The following SOX5 variants were observed in gnomAD, a reference collection of about 807,000 sequenced individuals.
SOX5 encodes SRY-box transcription factor 5, also known as transcription factor SOX-5.
SOX5 carries 9 observed loss-of-function variants against 92.0 expected under a neutral mutation model. The ratio of observed to expected loss-of-function variants is 0.10; its 90% CI spans 0.06 to 0.17. The LOEUF is 0.17. SOX5 is among the 10% of genes least tolerant of loss of function. The probability of loss-of-function intolerance (pLI) is 1.00; values close to 1 mark genes in which losing one functional copy is unlikely to be tolerated. For missense variants in SOX5, 642 were observed against 944.5 expected, an observed-to-expected ratio of 0.68 and a Z score of 4.20; for synonymous variants, 344 against 336.3, an observed-to-expected ratio of 1.02 and a Z score of -0.25.
intron 1 of SOX5, among the ~76,000 whole-genome samples, chr12:23,901,024 C>T (rs1372462178): frequency 6.6e-6 from 1 of 152,084 alleles, no homozygotes; most frequent in African/African-American, 2.4e-5. Context: ...ATGTCCAGGT[C>T]TTAATACCTT....
At position 23,600,011 on chromosome 12, in the gene SOX5, G is replaced by C. The variant is rs574467620; in HGVS notation, c.1164+4376C>G. 7.0e-4 allele frequency among the ~76,000 whole-genome samples: 107 copies of C among 152,186 alleles called. 1 individual carries two copies. Among genetic ancestry groups the C allele is most frequent in the Middle Eastern group, 3.4e-3 (1 of 294 alleles). ...AAGTTGCTGAATACATTGCATATTGGTTCATTCTGTGGCAGAAAGTTAAAC... is the reference window on the plus strand; with the variant it reads ...AAGTTGCTGAATACATTGCATATTGCTTCATTCTGTGGCAGAAAGTTAAAC... On this transcript the variant is annotated intron_variant, in intron 9 of 14. Coordinates refer to ENST00000451604, the MANE Select transcript of SOX5 (RefSeq NM_006940.6).
chr12:24,148,688 T>TAAAAAAAAAAAAAAAAAAAA (rs398018872), intron 4 of SOX5, among the ~76,000 whole-genome samples: 1 of 70,950 alleles, frequency 1.4e-5, no homozygotes, highest in East Asian at 7.2e-4. Context: ...CCATCTCTAC[T>TAAAAAAAAAAAAAAAAAAAA]AAAAAAAAAA....
chr12:24,258,239 C>G (rs141494675), intron 3 of SOX5, among the ~76,000 whole-genome samples: 29 of 152,216 alleles, frequency 1.9e-4, no homozygotes, highest in African/African-American at 7.0e-4. Flanking sequence ...GGCCCATGAC[C>G]CTTAAACATT....
At chr12:23,850,991 T>C (rs1179502483) in intron 2 of SOX5, among the ~76,000 whole-genome samples, 1 of 152,098 alleles carries the variant, frequency 6.6e-6, no homozygotes, top group Non-Finnish European at 1.5e-5. Context: ...AAGGAATGTA[T>C]ACCTGACCTA....
chr12:24,106,870 T>A (rs1218632160), intron 4 of SOX5, among the ~76,000 whole-genome samples: 1 of 150,432 alleles, frequency 6.6e-6, no homozygotes, highest in African/African-American at 2.4e-5. Flanking sequence ...TCATTTAAGA[T>A]TCCAAAGGAT....
intron 7 of SOX5, among the ~76,000 whole-genome samples, chr12:23,653,215 T>C (rs536954656): frequency 1.6e-4 from 25 of 152,190 alleles, no homozygotes; most frequent in African/African-American, 5.8e-4. Context: ...CTTCCTACCA[T>C]ATACATTATT....
chr12:24,012,024 T>G (rs12306043), intron 4 of SOX5, among the ~76,000 whole-genome samples: 6,139 of 152,214 alleles, frequency 0.04, 328 homozygotes, highest in African/African-American at 0.11. Flanking sequence ...CAGTTAGAGG[T>G]CCATGCGTTC....
At chr12:23,653,646 C>T (rs1048981688) in intron 7 of SOX5, among the ~76,000 whole-genome samples, 1 of 151,884 alleles carries the variant, frequency 6.6e-6, no homozygotes, top group Non-Finnish European at 1.5e-5. Context: ...TGATGAAGGC[C>T]CATTTTTTGA....
At chr12:24,486,061 T>A (rs1447192210) in intron 1 of SOX5, among the ~76,000 whole-genome samples, 2 of 152,106 alleles carry the variant, frequency 1.3e-5, no homozygotes, top group Non-Finnish European at 2.9e-5. Flanking sequence ...CAAGCCATCC[T>A]CCCACCTCAG....
intron 4 of SOX5, among the ~76,000 whole-genome samples, chr12:24,092,232 G>A (rs2137792930): frequency 6.6e-6 from 1 of 152,020 alleles, no homozygotes; most frequent in Non-Finnish European, 1.5e-5. Context: ...TTCTCTTTCT[G>A]CTATTCTGGG....
intron 1 of SOX5, among the ~76,000 whole-genome samples, chr12:24,401,739 T>TAGG (rs1961720814): frequency 1.5e-5 from 2 of 130,404 alleles, no homozygotes; most frequent in African/African-American, 6.3e-5. Flanking sequence ...AAAAAAAAAT[T>TAGG]GCAAAATATT....
At chr12:24,174,446 T>C (rs1321763855) in intron 4 of SOX5, among the ~76,000 whole-genome samples, 1 of 151,902 alleles carries the variant, frequency 6.6e-6, no homozygotes, top group Admixed American at 6.6e-5. Context: ...ATAGAAGGAG[T>C]CTGGGAGAAC....
chr12:23,777,156 T>A (rs1472902715), intron 3 of SOX5, among the ~76,000 whole-genome samples: 2 of 152,208 alleles, frequency 1.3e-5, no homozygotes, highest in Admixed American at 6.5e-5. Flanking sequence ...CTCTTAGAGA[T>A]CCTCTTTGCT....
At chr12:23,721,747 C>T (rs117436564) in intron 6 of SOX5, among the ~76,000 whole-genome samples, 5 of 152,292 alleles carry the variant, frequency 3.3e-5, no homozygotes, top group Admixed American at 6.5e-5. Flanking sequence ...TCAAGAATTG[C>T]ACCCACAAAG....
intron 1 of SOX5, among the ~76,000 whole-genome samples, chr12:23,932,121 G>A (rs1223148026): frequency 6.6e-6 from 1 of 151,252 alleles, no homozygotes; most frequent in African/African-American, 2.4e-5. Context: ...ACTTACTTCT[G>A]ACAGATCTAA....
chr12:23,778,427 G>T (rs1209670416), intron 3 of SOX5, among the ~76,000 whole-genome samples: 1 of 152,104 alleles, frequency 6.6e-6, no homozygotes, highest in Admixed American at 6.6e-5. Flanking sequence ...TCCTAAGCAG[G>T]TGAAGAAATA....
At chr12:24,082,171 G>A (rs1206038803) in intron 4 of SOX5, among the ~76,000 whole-genome samples, 5 of 151,658 alleles carry the variant, frequency 3.3e-5, no homozygotes, top group East Asian at 3.9e-4. Context: ...TATGCATGAC[G>A]GAGCGTACAA....
chr12:24,363,365 C>T (rs1464162038), intron 2 of SOX5, among the ~76,000 whole-genome samples: 8 of 152,234 alleles, frequency 5.3e-5, no homozygotes, highest in South Asian at 4.2e-4. Flanking sequence ...CATGCTGGAG[C>T]GGTGCCAGCA....
intron 4 of SOX5, among the ~76,000 whole-genome samples, chr12:24,163,172 C>T (rs1317052806): frequency 2.0e-5 from 3 of 152,084 alleles, no homozygotes; most frequent in African/African-American, 7.2e-5. Flanking sequence ...GGAATAAACT[C>T]AAATCATAGC....
Sources: allele counts gnomAD v4.1 joint callset (sites outside exome capture counted in the v4.1 genomes callset), GRCh38; gene constraint gnomAD v4.1.1; transcripts MANE v1.5; gene names NCBI Gene and HGNC (gene_info 2026-07-23, HGNC 2026-07-21).